The following PLK4 variants were observed in gnomAD, a reference collection of about 807,000 sequenced individuals.
The protein encoded by PLK4 is serine/threonine-protein kinase PLK4.
PLK4 carries 51 observed loss-of-function variants against 103.0 expected under a neutral mutation model. That is an observed-to-expected ratio of 0.50 (90% confidence interval 0.40 to 0.63). The LOEUF is 0.63. Ranked by LOEUF, PLK4 falls within the 20% of genes least tolerant of loss-of-function variation. PLK4 has a pLI of 0.00. For missense variants in PLK4, 1,054 were observed against 1,151.0 expected, an observed-to-expected ratio of 0.92 and a Z score of 1.22; for synonymous variants, 389 against 376.8, an observed-to-expected ratio of 1.03 and a Z score of -0.38.
At chr4:127,894,232 G>A (rs1735474334) in intron 13 of PLK4, among the ~76,000 whole-genome samples, 2 of 151,904 alleles carry the variant, frequency 1.3e-5, no homozygotes, top group South Asian at 4.2e-4. Context: ...ATATACATAT[G>A]TAGTTTTTTT....
chr4:127,896,930 G>T, intron 15 of PLK4, 23 bp downstream of exon 15: 1 of 1,206,768 alleles, frequency 8.3e-7, no homozygotes, highest in South Asian at 1.2e-5. Context: ...AATACTGGTC[G>T]AGATTCAGCC....
chr4:127,894,962 A>G lies in PLK4; in HGVS notation c.2572A>G (p.Asn858Asp), dbSNP rs1048224535. ...APILNPSMVT[N>D]EGLGLTTTAS... ...CCTTTATTCTTTGTAGATGGTTACA[A>G]ATGAAGGACTTGGTCTTACAACTAC... The change falls in exon 14 of 16, where the codon AAT becomes GAT. Residue 858 changes from asparagine to aspartate, a missense_variant. Coordinates refer to ENST00000270861, the MANE Select transcript of PLK4 (RefSeq NM_014264.5). The G allele has an allele frequency of 2.5e-6, 4 of 1,598,148 alleles. No individual in the cohort carries two copies. The highest frequency in any genetic ancestry group is 2.7e-5 in the African/African-American group (2 of 74,146).
chr4:127,889,275 TG>T (rs1357803106), intron 6 of PLK4, among the ~76,000 whole-genome samples: 1 of 152,194 alleles, frequency 6.6e-6, no homozygotes, highest in Non-Finnish European at 1.5e-5. Flanking sequence ...GTTCTGTATG[TG>T]AACTTTAAAA....
chr4:127,897,466 C>T (rs1052272019), intron 15 of PLK4, among the ~76,000 whole-genome samples: 2 of 152,130 alleles, frequency 1.3e-5, no homozygotes, highest in African/African-American at 2.4e-5. Flanking sequence ...TCAGAACTTA[C>T]TAAAAGTAGG....
At chr4:127,883,128 C>T in intron 2 of PLK4, 134 bp from the exon 3 acceptor site, 1 of 567,766 alleles carries the variant, frequency 1.8e-6, no homozygotes, top group African/African-American at 1.9e-5. Flanking sequence ...ATGGGGAAAA[C>T]AGATAACAGT....
intron 3 of PLK4, 37 bp from the exon 4 acceptor site, chr4:127,883,402 T>C (rs560715730): frequency 7.1e-7 from 1 of 1,415,222 alleles, no homozygotes; most frequent in East Asian, 2.3e-5. Flanking sequence ...ACTGAATTTT[T>C]GTATATTTTA....
chr4:127,896,135 C>A (rs1735558217), intron 14 of PLK4, among the ~76,000 whole-genome samples: 1 of 152,054 alleles, frequency 6.6e-6, no homozygotes, highest in African/African-American at 2.4e-5. Context: ...TCTAGTTTAT[C>A]CCCCAAAATA....
intron 3 of PLK4, 31 bp from the exon 4 acceptor site, chr4:127,883,408 T>C (rs751191880): frequency 2.9e-6 from 4 of 1,401,264 alleles, no homozygotes; most frequent in Non-Finnish European, 4.0e-6. Flanking sequence ...TTTTTGTATA[T>C]TTTAATTTAT....
chr4:127,894,033 C>T (rs1001585829), intron 13 of PLK4, 152 bp downstream of exon 13: 11 of 560,994 alleles, frequency 2.0e-5, no homozygotes, highest in East Asian at 1.5e-4. Context: ...TATGTTTGAG[C>T]GTCAAAGGCC....
At chr4:127,886,838 A>C (rs1735155843) in intron 5 of PLK4, 110 bp downstream of exon 5, 1 of 631,956 alleles carries the variant, frequency 1.6e-6, no homozygotes, top group Admixed American at 3.4e-5. Context: ...GTCTAAAAAA[A>C]AAAACCACTG....
Position 127,881,036 on chromosome 4 carries a change from C to G in PLK4, c.-99C>G. 7.2e-7 allele frequency: 1 copy of G among 1,392,920 alleles called. No individual in the cohort carries two copies. The highest frequency in any genetic ancestry group is 1.0e-6 in the Non-Finnish European group (1 of 987,528). 86.3% of individuals were successfully genotyped at this position (1,392,920 alleles called of 1,614,324 possible). A position where few individuals can be genotyped will look rare whatever the true frequency, so the allele number is the denominator to read the frequency against. On this transcript the variant is annotated 5_prime_UTR_variant, in exon 1 of 16. Coordinates refer to ENST00000270861, the MANE Select transcript of PLK4 (RefSeq NM_014264.5). ...TGGAGCGGCGGTTTAGAGAGCCGAG[C>G]CTGATGGGCGCCAAGGCCGGCTGGC...
chr4:127,893,516 C>A lies in PLK4; in HGVS notation c.2326C>A (p.His776Asn). Residue 776 changes from histidine to asparagine, a missense_variant, in exon 12 of 16, where the codon CAT becomes AAT. His to Asn is a moderately conservative substitution (Grantham distance 68, BLOSUM62 1). Transcript: ENST00000270861. ...KMYMDHANEG[H>N]RICLALESII... The stretch of plus-strand genomic sequence containing the variant: ...AAGCACTCTTCTTTTGAAATAGGGT[C>A]ATCGTATTTGTTTAGCACTGGAATC... 1.9e-6 allele frequency: 3 copies of A among 1,609,454 alleles called. No individual in the cohort carries two copies. The South Asian group carries it at 3.3e-5, about 18-fold the overall frequency.
Position 127,890,100 on chromosome 4 carries a change from A to G in PLK4, c.1694A>G (p.Asp565Gly), listed in dbSNP as rs201941727. 2.5e-6 allele frequency: 4 copies of G among 1,614,084 alleles called. No homozygotes were observed. The highest frequency in any genetic ancestry group is 3.4e-6 in the Non-Finnish European group (4 of 1,179,934). The change falls in exon 7 of 16, where the codon GAT becomes GGT. Residue 565 changes from aspartate (D) to glycine (G), a missense_variant. Physicochemically the swap from Asp to Gly is moderately conservative, Grantham distance 94. Coordinates refer to ENST00000270861, the MANE Select transcript of PLK4 (RefSeq NM_014264.5). Reference protein sequence around the residue: ...IIQQECVFGSDPLSEQSKTRG... With the variant: ...IIQQECVFGSGPLSEQSKTRG... ...CAACAAGAATGTGTTTTTGGCTCAG[A>G]TCCTCTTTCTGAACAGAGCAAGACT...
At chr4:127,885,547 T>C (rs1735089641) in intron 4 of PLK4, among the ~76,000 whole-genome samples, 161 bp from the exon 5 acceptor site, 1 of 151,202 alleles carries the variant, frequency 6.6e-6, no homozygotes, top group South Asian at 2.1e-4. Flanking sequence ...ACTCTGATAA[T>C]TGCTGGTAAT....
chr4:127,891,505 G>T, intron 8 of PLK4, 74 bp from the exon 9 acceptor site: 1 of 554,166 alleles, frequency 1.8e-6, no homozygotes, highest in African/African-American at 1.9e-5. Context: ...TAAACACTTT[G>T]TATACGTTTT....
At chr4:127,884,705 G>C (rs189115119) in intron 4 of PLK4, among the ~76,000 whole-genome samples, 14 of 152,300 alleles carry the variant, frequency 9.2e-5, no homozygotes, top group South Asian at 4.1e-4. Context: ...TTGGGAGGCT[G>C]AGGTGGATGG....
intron 12 of PLK4, 58 bp downstream of exon 12, chr4:127,893,662 T>C: frequency 6.3e-7 from 1 of 1,582,658 alleles, no homozygotes; most frequent in Non-Finnish European, 8.6e-7. Context: ...TTGATGTTTA[T>C]ATTATAAACA....
At chr4:127,886,819 G>T in intron 5 of PLK4, 91 bp downstream of exon 5, 2 of 705,562 alleles carry the variant, frequency 2.8e-6, no homozygotes, top group Non-Finnish European at 4.4e-6. Context: ...GGATACCAGG[G>T]AAATGAATGT....
At chr4:127,897,023 G>T in intron 15 of PLK4, 116 bp downstream of exon 15, 1 of 602,874 alleles carries the variant, frequency 1.7e-6, no homozygotes, top group South Asian at 2.0e-5. Context: ...ATGATCGTGT[G>T]ATTCTTTAAA....
Sources: allele counts gnomAD v4.1 joint callset (sites outside exome capture counted in the v4.1 genomes callset), GRCh38; gene constraint gnomAD v4.1.1; transcripts MANE v1.5; gene names NCBI Gene and HGNC (gene_info 2026-07-23, HGNC 2026-07-21).